Variants in OR8D1 observed in about 807,000 individuals in gnomAD.
OR8D1 encodes the protein olfactory receptor family 8 subfamily D member 1.
For missense variants in OR8D1, 384 were observed against 366.8 expected, an observed-to-expected ratio of 1.05 and a Z score of -0.38; for synonymous variants, 143 against 147.0, an observed-to-expected ratio of 0.97 and a Z score of 0.20.
chr11:124,307,080 G>T lies in OR8D1; in HGVS notation c.*2760C>A, dbSNP rs1862374754. On this transcript the variant is annotated 3_prime_UTR_variant, in exon 3 of 3. Coordinates refer to ENST00000641015, the MANE Select transcript of OR8D1 (RefSeq NM_001002917.2). ...CAAGTGGCAATTTTGTCTAATGCTA[G>T]AGCTTGGTATTAAGAAATTTATTTG... 6.6e-6 allele frequency: 1 copy of T among 152,018 alleles called. No homozygotes were observed. Among genetic ancestry groups the T allele is most frequent in the African/African-American group, 2.4e-5 (1 of 41,396 alleles). 9.4% of individuals were successfully genotyped at this position (152,018 alleles called of 1,614,324 possible). A position where few individuals can be genotyped will look rare whatever the true frequency, so the allele number is the denominator to read the frequency against.
At chr11:124,311,405 T>C (rs1426647302) in intron 2 of OR8D1, among the ~76,000 whole-genome samples, 167 bp downstream of exon 2, 3 of 152,102 alleles carry the variant, frequency 2.0e-5, no homozygotes, top group African/African-American at 4.8e-5. Flanking sequence ...AGCTTCATCA[T>C]TGGAATCACT....
chr11:124,310,403 G>T lies in OR8D1; in HGVS notation c.364C>A (p.Arg122Ser). Reference protein sequence around the residue: ...GYLLTAMAYDRYVAICSPLLY... With the variant: ...GYLLTAMAYDSYVAICSPLLY... The stretch of plus-strand genomic sequence containing the variant: ...AGTGGGCTACAGATGGCAACATAGC[G>T]ATCATATGCCATGGCAGTCAGGAGG... The change falls in exon 3 of 3, where the codon CGC becomes AGC. Residue 122 changes from arginine to serine, a missense_variant. Arg to Ser is a moderately radical substitution (Grantham distance 110). Transcript: ENST00000641015. 6.2e-7 allele frequency: 1 copy of T among 1,613,396 alleles called. No homozygotes were observed. Among genetic ancestry groups the T allele is most frequent in the South Asian group, 1.1e-5 (1 of 91,038 alleles).
intron 1 of OR8D1, among the ~76,000 whole-genome samples, chr11:124,313,355 GA>G (rs764068004): frequency 1.1e-4 from 16 of 151,838 alleles, no homozygotes; most frequent in Non-Finnish European, 1.8e-4. Flanking sequence ...GAAAGAAAAA[GA>G]AAAAAAGAAA....
Position 124,310,467 on chromosome 11 carries a change from C to CT in OR8D1, c.299dup (p.Leu101AlafsTer11). On this transcript the variant is annotated frameshift_variant, in exon 3 of 3. Coordinates refer to ENST00000641015, the MANE Select transcript of OR8D1 (RefSeq NM_001002917.2). LOFTEE classifies it low-confidence loss of function (END_TRUNC). ...CCACAAAGACCACAAAGAAAAAGAG[C>CT]TGGACCATGCACTCAGAGTAAAGGA... 2 of 1,613,688 alleles carry CT rather than the reference C, an allele frequency of 1.2e-6. No individual in the cohort carries two copies. Among genetic ancestry groups the CT allele is most frequent in the Non-Finnish European group, 1.7e-6 (2 of 1,179,862 alleles).
At position 124,303,510 on chromosome 11, in the gene OR8D1, GGT is replaced by G. The variant is rs1491383267; in HGVS notation, c.*6328_*6329del. 1 of 151,960 alleles carries G rather than the reference GGT, an allele frequency of 6.6e-6. No homozygotes were observed. Among genetic ancestry groups the G allele is most frequent in the Non-Finnish European group, 1.5e-5 (1 of 67,962 alleles). The allele number at this position is 151,960 out of a possible 1,614,324, so 9.4% of individuals were successfully genotyped here. ...AAATTGCTGCTTATATCTTTTGCCT[GGT>G]TTTCTATTAGGCTTTTTGTCCTTTG... On this transcript the variant is annotated 3_prime_UTR_variant, in exon 3 of 3. Coordinates refer to ENST00000641015, the MANE Select transcript of OR8D1 (RefSeq NM_001002917.2).
Position 124,310,749 on chromosome 11 carries a change from A to G in OR8D1, c.18T>C (p.Tyr6=). The change falls in exon 3 of 3, where the codon TAT becomes TAC. Residue 6 remains tyrosine, a synonymous_variant. Transcript: ENST00000641015. ...CTAAGACAAACTGAGCTGCCATAGA[A>G]TAATTTTCCATGGTCATTCTTCTTT... The part of the protein sequence containing the change: MTMEN[Y]SMAAQFVLDG... 6.2e-7 allele frequency: 1 copy of G among 1,610,406 alleles called. No individual in the cohort carries two copies. Among genetic ancestry groups the G allele is most frequent in the Non-Finnish European group, 8.5e-7 (1 of 1,177,994 alleles).
At chr11:124,313,060 G>C (rs1862436194) in intron 1 of OR8D1, among the ~76,000 whole-genome samples, 1 of 151,756 alleles carries the variant, frequency 6.6e-6, no homozygotes, top group African/African-American at 2.4e-5. Context: ...TGTAATCCTA[G>C]CTACTCGGGA....
Position 124,303,432 on chromosome 11 carries a change from G to A in OR8D1, c.*6408C>T, listed in dbSNP as rs1385604191. The stretch of plus-strand genomic sequence containing the variant: ...GGTCGTATTTGGCTGATTCTGTGAA[G>A]TTAAACATTGTTCCATTTGTTTATT... On this transcript the variant is annotated 3_prime_UTR_variant, in exon 3 of 3. Transcript: ENST00000641015. 2 of 152,050 alleles carry A rather than the reference G, an allele frequency of 1.3e-5. No individual in the cohort carries two copies. Among genetic ancestry groups the A allele is most frequent in the Admixed American group, 6.6e-5 (1 of 15,226 alleles). 9.4% of individuals were successfully genotyped at this position (152,050 alleles called of 1,614,324 possible).
intron 1 of OR8D1, among the ~76,000 whole-genome samples, chr11:124,313,270 G>A (rs918135415): frequency 1.0e-4 from 15 of 144,908 alleles, no homozygotes; most frequent in Non-Finnish European, 2.0e-4. Flanking sequence ...GGGAAGGAAG[G>A]AGAGAGAGAG....
Position 124,313,846 on chromosome 11 carries a change from G to C in OR8D1, c.-247C>G, listed in dbSNP as rs1294995205. On this transcript the variant is annotated 5_prime_UTR_variant, in exon 1 of 3. Coordinates refer to ENST00000641015, the MANE Select transcript of OR8D1 (RefSeq NM_001002917.2). ...CTTATACACACATTTATATGCCAAG[G>C]GCTGAATTATTTGGTTGGCTAAAAG... is the stretch of plus-strand genomic sequence containing the variant. The C allele has an allele frequency of 6.6e-6, 1 of 152,048 alleles. No homozygotes were observed. The highest frequency in any genetic ancestry group is 1.5e-5 in the Non-Finnish European group (1 of 68,030). The allele number at this position is 152,048 out of a possible 1,614,324, so 9.4% of individuals were successfully genotyped here.
At position 124,305,629 on chromosome 11, in the gene OR8D1, T is replaced by C. The variant is rs183173455; in HGVS notation, c.*4211A>G. ...AGTCACTAAATAGATATAAACATCA[T>C]TAGCAATTTAAAGAGCTATACTCTT... is the stretch of plus-strand genomic sequence containing the variant. On this transcript the variant is annotated 3_prime_UTR_variant, in exon 3 of 3. Transcript: ENST00000641015. 1 of 151,938 alleles carries C rather than the reference T, an allele frequency of 6.6e-6. No homozygotes were observed. The highest frequency in any genetic ancestry group is 1.9e-4 in the East Asian group (1 of 5,162). 9.4% of individuals were successfully genotyped at this position (151,938 alleles called of 1,614,324 possible).
Position 124,302,931 on chromosome 11 carries a change from A to G in OR8D1, c.*6909T>C, listed in dbSNP as rs1443662760. On this transcript the variant is annotated 3_prime_UTR_variant, in exon 3 of 3. Coordinates refer to ENST00000641015, the MANE Select transcript of OR8D1 (RefSeq NM_001002917.2). ...GTATATGCAGGAATGCAGTTTCACA[A>G]GTGAATCTGGAGCCAGGGCTTCCTG... 2.0e-5 allele frequency: 3 copies of G among 152,240 alleles called. No homozygotes were observed. The East Asian group carries it at 5.8e-4, about 29-fold the overall frequency. 9.4% of individuals were successfully genotyped at this position (152,240 alleles called of 1,614,324 possible).
rs1369831227 is a variant in OR8D1 at position 124,302,943 on chromosome 11, G to C, written c.*6897C>G. The C allele has an allele frequency of 6.6e-6, 1 of 152,072 alleles. No homozygotes were observed. The highest frequency in any genetic ancestry group is 1.5e-5 in the Non-Finnish European group (1 of 67,988). The allele number at this position is 152,072 out of a possible 1,614,324, so 9.4% of individuals were successfully genotyped here. A position where few individuals can be genotyped will look rare whatever the true frequency, so the allele number is the denominator to read the frequency against. ...ATGCAGTTTCACAAGTGAATCTGGA[G>C]CCAGGGCTTCCTGTCTCCTGATTTA... On this transcript the variant is annotated 3_prime_UTR_variant, in exon 3 of 3. Transcript: ENST00000641015.
intron 1 of OR8D1, among the ~76,000 whole-genome samples, chr11:124,311,956 G>T (rs1232701056): frequency 6.6e-6 from 1 of 152,196 alleles, no homozygotes; most frequent in Admixed American, 6.5e-5. Flanking sequence ...GCAATGAATG[G>T]AAAGGTTTGG....
intron 2 of OR8D1, among the ~76,000 whole-genome samples, chr11:124,311,070 T>G (rs1050918595): frequency 1.3e-5 from 2 of 152,198 alleles, no homozygotes; most frequent in Non-Finnish European, 2.9e-5. Flanking sequence ...GAATTTCTGA[T>G]AGCCAATTTG....
rs777706052 is a variant in OR8D1, at chr11:124,310,385, TACA to T, written c.379_381del (p.Cys127del). The T allele has an allele frequency of 6.2e-7, 1 of 1,613,484 alleles. No homozygotes were observed. Among genetic ancestry groups the T allele is most frequent in the South Asian group, 1.1e-5 (1 of 91,038 alleles). On this transcript the variant is annotated inframe_deletion, in exon 3 of 3. Transcript: ENST00000641015. ...ATGATCGCATTATAAAGCAGTGGGC[TACA>T]GATGGCAACATAGCGATCATATGCC...
intron 2 of OR8D1, 67 bp downstream of exon 2, chr11:124,311,505 G>A: frequency 6.6e-6 from 1 of 152,460 alleles, no homozygotes; most frequent in Non-Finnish European, 1.5e-5. Context: ...GAGTTGGCTG[G>A]CTGGAATCCT....
intron 1 of OR8D1, among the ~76,000 whole-genome samples, chr11:124,313,317 AAG>A (rs1469164756): frequency 4.0e-5 from 6 of 149,102 alleles, no homozygotes; most frequent in Admixed American, 6.6e-5. Flanking sequence ...AAAGAAAAGA[AAG>A]AGAAAAAGGA....
rs560413569 is a variant in OR8D1 at position 124,310,105 on chromosome 11, A to T, written c.662T>A (p.Ile221Asn). 6.2e-7 allele frequency: 1 copy of T among 1,613,758 alleles called. No homozygotes were observed. Among genetic ancestry groups the T allele is most frequent in the South Asian group, 1.1e-5 (1 of 91,072 alleles). The change falls in exon 3 of 3, where the codon ATC becomes AAC. Residue 221 changes from isoleucine (I) to asparagine (N), a missense_variant. Coordinates refer to ENST00000641015, the MANE Select transcript of OR8D1 (RefSeq NM_001002917.2). ...GCGGATGTGAAGGATGCTGTAGAGG[A>T]TGAAGGCATAGGAGACAGCAACAGC... ...TLAVAVSYAF[I>N]LYSILHIRSS...
Sources: allele counts gnomAD v4.1 joint callset (sites outside exome capture counted in the v4.1 genomes callset), GRCh38; gene constraint gnomAD v4.1.1; transcripts MANE v1.5; gene names NCBI Gene and HGNC (gene_info 2026-07-23, HGNC 2026-07-21).